The following PDE4D variants were observed in gnomAD, a reference collection of about 807,000 sequenced individuals.
PDE4D encodes phosphodiesterase 4D.
PDE4D carries 24 observed loss-of-function variants against 87.4 expected under a neutral mutation model. That is an observed-to-expected ratio of 0.27 (90% confidence interval 0.20 to 0.39). The LOEUF is 0.39. Ranked by LOEUF, PDE4D falls within the 10% of genes least tolerant of loss-of-function variation. The pLI is 1.00. For synonymous variants in PDE4D, 384 were observed against 383.2 expected (o/e 1.00, Z -0.02); for missense variants, 714 against 1,041.0 (o/e 0.69, Z 4.32).
At chr5:60,032,300 T>C (rs1006950419) in intron 2 of PDE4D, among the ~76,000 whole-genome samples, 1 of 152,206 alleles carries the variant, frequency 6.6e-6, no homozygotes, top group African/African-American at 2.4e-5. Flanking sequence ...ATTTGATCAA[T>C]GTGTATAGTC....
intron 1 of PDE4D, among the ~76,000 whole-genome samples, chr5:59,744,203 T>C (rs1049188530): frequency 1.3e-5 from 2 of 152,128 alleles, no homozygotes; most frequent in Non-Finnish European, 2.9e-5. Context: ...TAAGTGTAGA[T>C]TTTGTATGTT....
At chr5:59,401,024 G>A (rs1270242278) in intron 1 of PDE4D, among the ~76,000 whole-genome samples, 1 of 152,180 alleles carries the variant, frequency 6.6e-6, no homozygotes, top group Admixed American at 6.5e-5. Context: ...TCACTGACAT[G>A]AGATAGTGAC....
intron 1 of PDE4D, among the ~76,000 whole-genome samples, chr5:60,286,474 A>T (rs1241096656): frequency 6.6e-6 from 1 of 151,576 alleles, no homozygotes; most frequent in East Asian, 1.9e-4. Context: ...TGCCAACTAG[A>T]GTAAGATGTG....
intron 1 of PDE4D, among the ~76,000 whole-genome samples, chr5:59,522,624 T>C (rs746144757): frequency 3.9e-5 from 6 of 152,234 alleles, no homozygotes; most frequent in Non-Finnish European, 8.8e-5. Flanking sequence ...CAACAATTCA[T>C]AATACTTGTT....
intron 5 of PDE4D, among the ~76,000 whole-genome samples, chr5:59,107,309 A>C (rs1051624851): frequency 6.6e-6 from 1 of 152,058 alleles, no homozygotes; most frequent in Non-Finnish European, 1.5e-5. Context: ...CCCAGGTGCA[A>C]GTGATTCTCC....
intron 1 of PDE4D, among the ~76,000 whole-genome samples, chr5:60,351,248 G>A (rs1388477365): frequency 2.0e-5 from 3 of 152,156 alleles, no homozygotes; most frequent in Non-Finnish European, 4.4e-5. Context: ...CCTACTTTAT[G>A]GCAGAGATTA....
chr5:60,092,894 G>C (rs1055839067), intron 2 of PDE4D, among the ~76,000 whole-genome samples: 4 of 152,204 alleles, frequency 2.6e-5, no homozygotes, highest in Admixed American at 2.6e-4. Flanking sequence ...CATAGGGGAA[G>C]CATGACTGGA....
At chr5:59,153,752 GT>G (rs34209888) in intron 5 of PDE4D, among the ~76,000 whole-genome samples, 15 of 149,056 alleles carry the variant, frequency 1.0e-4, no homozygotes, top group African/African-American at 2.5e-4. Context: ...GGTGGGCAGG[GT>G]TTTTTTTTTT....
chr5:59,899,802 A>G (rs1752044097), intron 3 of PDE4D, among the ~76,000 whole-genome samples: 1 of 152,182 alleles, frequency 6.6e-6, no homozygotes, highest in East Asian at 1.9e-4. Flanking sequence ...GGAATAGTAA[A>G]TCAACCAGTG....
intron 1 of PDE4D, among the ~76,000 whole-genome samples, chr5:60,474,107 T>A (rs1319463292): frequency 2.2e-5 from 1 of 44,866 alleles, no homozygotes; most frequent in African/African-American, 1.5e-4. Flanking sequence ...TGAGCTGCCA[T>A]ATATATATAT....
intron 1 of PDE4D, among the ~76,000 whole-genome samples, chr5:59,861,026 A>ATTT (rs33992679): frequency 4.4e-5 from 6 of 134,998 alleles, no homozygotes; most frequent in South Asian, 2.4e-4. Flanking sequence ...CACCTAGATA[A>ATTT]TTTTTTTTTT....
intron 1 of PDE4D, among the ~76,000 whole-genome samples, chr5:59,334,751 C>A (rs950866217): frequency 6.6e-6 from 1 of 151,826 alleles, no homozygotes; most frequent in Admixed American, 6.6e-5. Flanking sequence ...GAACTTGAAG[C>A]GGGTCTTCTC....
intron 1 of PDE4D, among the ~76,000 whole-genome samples, chr5:60,428,677 A>G (rs943011085): frequency 6.6e-6 from 1 of 152,250 alleles, no homozygotes; most frequent in Non-Finnish European, 1.5e-5. Context: ...ACGATGATAT[A>G]AAGAATTTTC....
chr5:59,307,239 C>T (rs9716593), intron 1 of PDE4D, among the ~76,000 whole-genome samples: 10,240 of 131,084 alleles, frequency 0.078, 517 homozygotes, highest in South Asian at 0.15. Flanking sequence ...ACATGTTAGA[C>T]CTAAAACCAT....
chr5:60,193,836 T>C lies in PDE4D; in HGVS notation c.-89-8149A>G, dbSNP rs866565670. 2.0e-5 allele frequency among the ~76,000 whole-genome samples: 3 copies of C among 151,630 alleles called. 1 individual carries two copies. The highest frequency in any genetic ancestry group is 3.4e-3 in the Middle Eastern group (1 of 294). ...CCTTTCAACTATTTGAGCCTCTTAA[T>C]GTCTCTCTGAACATCCCATCAAAAA... On this transcript the variant is annotated intron_variant, in intron 1 of 16. Transcript: ENST00000502484.
chr5:59,522,326 C>G (rs977185614), intron 1 of PDE4D, among the ~76,000 whole-genome samples: 1 of 152,140 alleles, frequency 6.6e-6, no homozygotes, highest in African/African-American at 2.4e-5. Context: ...GGTAAATACC[C>G]TTACAGGTAT....
intron 2 of PDE4D, among the ~76,000 whole-genome samples, chr5:60,019,905 T>C (rs905236069): frequency 6.6e-6 from 1 of 152,130 alleles, no homozygotes; most frequent in African/African-American, 2.4e-5. Context: ...TTTTTTTTTT[T>C]GCATTCACAA....
At chr5:59,266,867 A>C (rs995434731) in intron 1 of PDE4D, among the ~76,000 whole-genome samples, 1 of 152,066 alleles carries the variant, frequency 6.6e-6, no homozygotes, top group African/African-American at 2.4e-5. Flanking sequence ...TAAGAACAAC[A>C]ACAACAAATA....
intron 1 of PDE4D, among the ~76,000 whole-genome samples, chr5:59,457,354 T>G (rs968038023): frequency 1.3e-5 from 2 of 152,218 alleles, no homozygotes; most frequent in Non-Finnish European, 2.9e-5. Flanking sequence ...GGCAATATTT[T>G]AAAATTAAGG....
Sources: gnomAD v4.1 joint callset for allele counts (sites outside exome capture counted in the v4.1 genomes callset) on GRCh38, gnomAD v4.1.1 for gene constraint, MANE v1.5 for transcripts, NCBI Gene and HGNC (gene_info 2026-07-23, HGNC 2026-07-21) for gene names.